DOCK3: variants seen among roughly 807,000 people sequenced by gnomAD.
DOCK3 encodes dedicator of cytokinesis 3, also known as dedicator of cytokinesis protein 3.
DOCK3 carries 60 observed loss-of-function variants against 265.6 expected under a neutral mutation model. The ratio of observed to expected loss-of-function variants is 0.23; its 90% CI spans 0.18 to 0.28. The LOEUF (loss-of-function observed/expected upper bound fraction) is 0.28. Among genes scored for constraint, DOCK3 ranks in the 10% least tolerant of loss-of-function variants. The pLI, the probability that DOCK3 is intolerant of heterozygous loss-of-function variation, is 1.00. For synonymous variants in DOCK3, 881 were observed against 938.0 expected, an observed-to-expected ratio of 0.94 and a Z score of 1.11; for missense variants, 1,981 against 2,594.3, an observed-to-expected ratio of 0.76 and a Z score of 5.14.
At chr3:51,194,822 C>CT (rs781358698) in intron 12 of DOCK3, among the ~76,000 whole-genome samples, 1,412 of 125,782 alleles carry the variant, frequency 0.011, 25 homozygotes, top group African/African-American at 0.017. Flanking sequence ...AGGTGAATAT[C>CT]TTTTTTTTTT....
intron 3 of DOCK3, among the ~76,000 whole-genome samples, chr3:50,875,187 C>T (rs1042471608): frequency 3.3e-5 from 5 of 152,034 alleles, no homozygotes; most frequent in African/African-American, 9.7e-5. Flanking sequence ...GCACGTTCTG[C>T]ACATGTATCC....
chr3:50,740,763 A>T (rs544298597), intron 1 of DOCK3, among the ~76,000 whole-genome samples: 2 of 152,268 alleles, frequency 1.3e-5, no homozygotes, highest in African/African-American at 4.8e-5. Context: ...TTTGTTGACC[A>T]TAAAATTTCA....
chr3:50,720,518 A>G (rs1431850929), intron 1 of DOCK3, among the ~76,000 whole-genome samples: 1 of 152,090 alleles, frequency 6.6e-6, no homozygotes, highest in Non-Finnish European at 1.5e-5. Context: ...TATGTAACAC[A>G]TTTTCTTTAT....
chr3:50,787,575 CTT>C (rs991533632), intron 2 of DOCK3: 4 of 953,128 alleles, frequency 4.2e-6, no homozygotes, highest in African/African-American at 3.3e-5. Context: ...ACAGGTCACA[CTT>C]AGCTTTCTGC....
chr3:51,061,113 G>A (rs943526160), intron 5 of DOCK3, among the ~76,000 whole-genome samples: 1 of 152,140 alleles, frequency 6.6e-6, no homozygotes, highest in Non-Finnish European at 1.5e-5. Flanking sequence ...CACTGTTGGT[G>A]GCACTGTAAA....
intron 20 of DOCK3, among the ~76,000 whole-genome samples, chr3:51,237,163 A>C (rs2078381948): frequency 6.6e-6 from 1 of 151,078 alleles, no homozygotes; most frequent in Non-Finnish European, 1.5e-5. Flanking sequence ...GGAATACCTT[A>C]TTGTTTATGC....
intron 12 of DOCK3, among the ~76,000 whole-genome samples, chr3:51,176,251 A>C (rs141679045): frequency 2.0e-5 from 3 of 152,214 alleles, no homozygotes; most frequent in African/African-American, 7.2e-5. Flanking sequence ...CTGCCGTAGG[A>C]TTGGAAAACA....
At chr3:50,778,931 C>T (rs2041762169) in intron 2 of DOCK3, among the ~76,000 whole-genome samples, 173 bp downstream of exon 2, 1 of 152,042 alleles carries the variant, frequency 6.6e-6, no homozygotes, top group African/African-American at 2.4e-5. Flanking sequence ...AAGGTATGAG[C>T]TTTTTTGATT....
intron 1 of DOCK3, among the ~76,000 whole-genome samples, chr3:50,758,712 A>G (rs1204792491): frequency 1.3e-5 from 2 of 152,130 alleles, no homozygotes; most frequent in Admixed American, 6.5e-5. Context: ...CCAAAATTCT[A>G]CTTTTTTCTT....
At chr3:51,236,202 A>C in intron 19 of DOCK3, 143 bp from the exon 20 acceptor site, 1 of 666,250 alleles carries the variant, frequency 1.5e-6, no homozygotes, top group Non-Finnish European at 2.6e-6. Context: ...GGGTCAGGGT[A>C]CTAGTACGAT....
intron 1 of DOCK3, among the ~76,000 whole-genome samples, chr3:50,704,069 A>G (rs2036230639): frequency 6.6e-6 from 1 of 151,530 alleles, no homozygotes; most frequent in Non-Finnish European, 1.5e-5. Context: ...TTTAATTTTC[A>G]TTTATTTGTA....
chr3:51,163,657 C>T (rs747851974), intron 12 of DOCK3, among the ~76,000 whole-genome samples: 5 of 152,020 alleles, frequency 3.3e-5, no homozygotes, highest in Non-Finnish European at 5.9e-5. Flanking sequence ...AAATAATGCA[C>T]GTAACCAAAT....
At chr3:51,217,669 G>C (rs1462687165) in intron 14 of DOCK3, among the ~76,000 whole-genome samples, 3 of 152,018 alleles carry the variant, frequency 2.0e-5, no homozygotes, top group African/African-American at 7.3e-5. Context: ...TTTTTTTTAA[G>C]AAGATGGGCA....
At chr3:50,865,138 G>C (rs1445204459) in intron 3 of DOCK3, among the ~76,000 whole-genome samples, 1 of 152,062 alleles carries the variant, frequency 6.6e-6, no homozygotes, top group East Asian at 1.9e-4. Context: ...TTTATCTTTT[G>C]TGTTACCAAC....
At position 51,348,936 on chromosome 3, in the gene DOCK3, C is replaced by A; in HGVS notation, c.4000C>A (p.Arg1334=). Residue 1334 remains arginine (R), a splice_region_variant and synonymous_variant, in exon 39 of 53, where the codon CGG becomes AGG. Transcript: ENST00000266037. ...TGATTACCAGAGCCTCAGCTGGATT[C>A]GGGTGAGCTGTGCCCCTCCCCCCAC... ...LYDYQSLSWI[R]KMEASYYDNI... is the part of the protein sequence containing the mutation. 6.4e-7 allele frequency: 1 copy of A among 1,566,800 alleles called. No homozygotes were observed. The highest frequency in any genetic ancestry group is 8.7e-7 in the Non-Finnish European group (1 of 1,155,832).
intron 4 of DOCK3, among the ~76,000 whole-genome samples, 167 bp downstream of exon 4, chr3:50,890,248 C>T (rs926916388): frequency 6.6e-6 from 1 of 152,004 alleles, no homozygotes; most frequent in African/African-American, 2.4e-5. Flanking sequence ...TCTTAAAATA[C>T]AGACTTTAAT....
At position 51,381,350 on chromosome 3, in the gene DOCK3, G is replaced by A. The variant is rs781988049; in HGVS notation, c.5884G>A (p.Val1962Ile). The A allele has an allele frequency of 4.8e-5, 77 of 1,613,030 alleles. 1 individual carries two copies. The highest frequency in any genetic ancestry group is 1.5e-4 in the South Asian group (14 of 91,078). Reference sequence around the variant, plus strand: ...CCGAAGCCACTCAGCCCCAGGGTGCGTCATCCCTCAGGACCCCATGGACCC... The same window carrying A: ...CCGAAGCCACTCAGCCCCAGGGTGCATCATCCCTCAGGACCCCATGGACCC... ...PCRSHSAPGC[V>I]IPQDPMDPPA... The change falls in exon 53 of 53, where the codon GTC becomes ATC. Residue 1962 changes from valine to isoleucine, a missense_variant. Physicochemically the swap from Val to Ile is conservative, Grantham distance 29. This residue lies in a region of DOCK3 where 149 missense variants were observed against 144.7 expected (regional missense o/e 1.03). Coordinates refer to ENST00000266037, the MANE Select transcript of DOCK3 (RefSeq NM_004947.5). This position sits in a 1 kb window ranked among gnomAD's most constrained non-coding sequence, Gnocchi z 5.6.
chr3:51,061,198 C>A (rs1002021293), intron 5 of DOCK3, among the ~76,000 whole-genome samples: 5 of 152,136 alleles, frequency 3.3e-5, no homozygotes, highest in African/African-American at 1.2e-4. Flanking sequence ...TTGACCCAGC[C>A]ATCCCATTAC....
intron 3 of DOCK3, among the ~76,000 whole-genome samples, chr3:50,869,080 T>C (rs1042433783): frequency 6.7e-6 from 1 of 149,932 alleles, no homozygotes; most frequent in African/African-American, 2.5e-5. Context: ...GTTCACGCCA[T>C]TCTCCTGCCT....
Sources: allele counts gnomAD v4.1 joint callset (sites outside exome capture counted in the v4.1 genomes callset), GRCh38; gene constraint gnomAD v4.1.1; regional missense constraint gnomAD v4.1.1; non-coding constraint Gnocchi (gnomAD v3.1); transcripts MANE v1.5; gene names NCBI Gene and HGNC (gene_info 2026-07-23, HGNC 2026-07-21).